CRK: variants seen among roughly 807,000 people sequenced by gnomAD.
The protein encoded by CRK is adapter molecule crk.
Under a neutral mutation model 29.8 loss-of-function variants are expected in CRK, and 4 were observed. The ratio of observed to expected loss-of-function variants is 0.13; its 90% CI spans 0.07 to 0.31. The LOEUF (loss-of-function observed/expected upper bound fraction) is 0.31, where lower values mean the gene tolerates loss of function less well. CRK is among the 10% of genes least tolerant of loss of function. The probability of loss-of-function intolerance (pLI) is 1.00; values close to 1 mark genes in which losing one functional copy is unlikely to be tolerated. For synonymous variants in CRK, 153 were observed against 164.9 expected, an observed-to-expected ratio of 0.93 and a Z score of 0.55; for missense variants, 274 against 396.5, an observed-to-expected ratio of 0.69 and a Z score of 2.62.
At chr17:1,435,193 G>GGCACAGGTAGT in intron 2 of CRK, among the ~76,000 whole-genome samples, 1 of 151,976 alleles carries the variant, frequency 6.6e-6, no homozygotes, top group Non-Finnish European at 1.5e-5. Context: ...CCAAGTAGCT[G>GGCACAGGTAGT]GGACCACAGG....
chr17:1,423,020 G>A lies in CRK; in HGVS notation c.*493C>T, dbSNP rs997417944. ...TCTGAAATGTCAGAATGAGTCACAC[G>A]CTGGTCATGCTCCATACAATGAAAG... On this transcript the variant is annotated 3_prime_UTR_variant, in exon 3 of 3. Coordinates refer to ENST00000300574, the MANE Select transcript of CRK (RefSeq NM_016823.4). 34 of 399,168 alleles carry A rather than the reference G, an allele frequency of 8.5e-5. No individual in the cohort carries two copies. The highest frequency in any genetic ancestry group is 5.1e-4 in the African/African-American group (25 of 48,616). The allele number at this position is 399,168 out of a possible 1,614,324, so 24.7% of individuals were successfully genotyped here. A position where few individuals can be genotyped will look rare whatever the true frequency, so the allele number is the denominator to read the frequency against.
chr17:1,425,762 C>T (rs1222777068), intron 2 of CRK, among the ~76,000 whole-genome samples: 1 of 152,188 alleles, frequency 6.6e-6, no homozygotes, highest in Non-Finnish European at 1.5e-5. Flanking sequence ...GCCTATTGGC[C>T]CCTCTGTTGT....
chr17:1,435,683 ATTTT>A (rs577592486), intron 2 of CRK, among the ~76,000 whole-genome samples: 2 of 147,280 alleles, frequency 1.4e-5, no homozygotes, highest in Non-Finnish European at 3.0e-5. Context: ...ACGCCTGGTG[ATTTT>A]TTTTTTTCAC....
intron 1 of CRK, among the ~76,000 whole-genome samples, chr17:1,448,640 AAAG>A (rs1439189073): frequency 0.035 from 1,748 of 49,320 alleles, 294 homozygotes; most frequent in African/African-American, 0.074. Context: ...AAAAAAAAAA[AAAG>A]AAAAAGTGGC....
At chr17:1,434,857 C>T (rs1351203976) in intron 2 of CRK, among the ~76,000 whole-genome samples, 1 of 149,732 alleles carries the variant, frequency 6.7e-6, no homozygotes, top group Non-Finnish European at 1.5e-5. Flanking sequence ...TTACTAAAAT[C>T]ATAAAACTAG....
chr17:1,442,898 T>C (rs2150909288), intron 1 of CRK, among the ~76,000 whole-genome samples: 1 of 151,688 alleles, frequency 6.6e-6, no homozygotes, highest in East Asian at 1.9e-4. Flanking sequence ...TGAGCCACTG[T>C]GCCTGGTATG....
At chr17:1,452,693 G>C (rs2074026691) in intron 1 of CRK, among the ~76,000 whole-genome samples, 1 of 152,008 alleles carries the variant, frequency 6.6e-6, no homozygotes, top group Non-Finnish European at 1.5e-5. Context: ...AGGAGGCTGA[G>C]GCAGGAGAAT....
At chr17:1,453,376 C>G (rs527481199) in intron 1 of CRK, among the ~76,000 whole-genome samples, 1 of 152,268 alleles carries the variant, frequency 6.6e-6, no homozygotes, top group Non-Finnish European at 1.5e-5. Context: ...ACTTTGGCAA[C>G]CAACAAACAC....
chr17:1,443,572 G>A (rs2073951535), intron 1 of CRK, among the ~76,000 whole-genome samples: 1 of 145,352 alleles, frequency 6.9e-6, no homozygotes, highest in Non-Finnish European at 1.5e-5. Flanking sequence ...ATTTTTTTTT[G>A]TATTTTTTAG....
At chr17:1,430,981 T>C (rs894013145) in intron 2 of CRK, among the ~76,000 whole-genome samples, 47 of 151,974 alleles carry the variant, frequency 3.1e-4, no homozygotes, top group Non-Finnish European at 7.4e-5. Context: ...GGCAGGAGAA[T>C]AGCGTGAACC....
intron 2 of CRK, chr17:1,426,568 A>T (rs1460085933): frequency 6.6e-6 from 1 of 152,096 alleles, no homozygotes; most frequent in Non-Finnish European, 1.5e-5. Flanking sequence ...TCATTTCTAC[A>T]AAAAATAAAA....
intron 2 of CRK, among the ~76,000 whole-genome samples, chr17:1,426,959 G>A (rs1272323441): frequency 6.7e-6 from 1 of 148,572 alleles, no homozygotes; most frequent in East Asian, 2.0e-4. Flanking sequence ...TTGAGCCCGG[G>A]AGGCAGAGAT....
rs371404587 is a variant in CRK, at chr17:1,442,795, C to T, written c.242-5640G>A. On this transcript the variant is annotated intron_variant, in intron 1 of 2. Coordinates refer to ENST00000300574, the MANE Select transcript of CRK (RefSeq NM_016823.4). The stretch of plus-strand genomic sequence containing the variant: ...CTAATTTTTGTAATTTCAGTAGAGA[C>T]ACAGTTTCACCATGTTGGCCTGGCT... Among the ~76,000 whole-genome samples the T allele has an allele frequency of 7.3e-5, 11 of 151,368 alleles. No homozygotes were observed. In the South Asian group the frequency reaches 2.3e-3, roughly 32 times the overall value.
At chr17:1,443,422 G>C (rs748812481) in intron 1 of CRK, among the ~76,000 whole-genome samples, 1 of 151,698 alleles carries the variant, frequency 6.6e-6, no homozygotes, top group Non-Finnish European at 1.5e-5. Context: ...TTTTGAGACA[G>C]AGTCTCACTG....
intron 1 of CRK, among the ~76,000 whole-genome samples, chr17:1,451,915 G>A (rs1486915184): frequency 7.9e-5 from 12 of 152,146 alleles, no homozygotes; most frequent in Non-Finnish European, 1.8e-4. Context: ...AACCTGGGAA[G>A]CAGAGGTTTC....
In CRK at chr17:1,423,609, A is replaced by G. The variant is rs778437493; in HGVS notation, c.819T>C (p.Gly273=). 85 of 1,614,054 alleles carry G rather than the reference A, an allele frequency of 5.3e-5. No individual in the cohort carries two copies. The highest frequency in any genetic ancestry group is 8.5e-6 in the Non-Finnish European group (10 of 1,180,034). Residue 273 remains glycine, a synonymous_variant, in exon 3 of 3, where the codon GGT becomes GGC. Coordinates refer to ENST00000300574, the MANE Select transcript of CRK (RefSeq NM_016823.4). ...LVKVTKINVS[G]QWEGECNGKR... ...TGCCATTACACTCCCCTTCCCACTG[A>G]CCACTCACATTAATCTTCGTAACCT...
intron 1 of CRK, among the ~76,000 whole-genome samples, chr17:1,444,894 A>G (rs2073962709): frequency 6.6e-6 from 1 of 151,904 alleles, no homozygotes; most frequent in Non-Finnish European, 1.5e-5. Context: ...CATGCCTGTA[A>G]TCCCAGCACT....
chr17:1,447,873 T>C (rs1279677697), intron 1 of CRK, among the ~76,000 whole-genome samples: 1 of 152,086 alleles, frequency 6.6e-6, no homozygotes, highest in Non-Finnish European at 1.5e-5. Flanking sequence ...AGCCTCAGCC[T>C]CCCAAAGTGC....
intron 1 of CRK, among the ~76,000 whole-genome samples, chr17:1,453,896 G>A (rs983048519): frequency 4.1e-5 from 6 of 147,208 alleles, no homozygotes; most frequent in East Asian, 2.1e-4. Context: ...CAACAAAAGC[G>A]AAACTCCGCC....
Sources: gnomAD v4.1 joint callset for allele counts (sites outside exome capture counted in the v4.1 genomes callset) on GRCh38, gnomAD v4.1.1 for gene constraint, MANE v1.5 for transcripts, NCBI Gene and HGNC (gene_info 2026-07-23, HGNC 2026-07-21) for gene names.